Variants in GRID2 observed in about 807,000 individuals in gnomAD.
GRID2 encodes glutamate ionotropic receptor delta type subunit 2, also known as glutamate receptor ionotropic, delta-2.
A neutral mutation model predicts 114.8 loss-of-function variants in GRID2; 33 were observed. The ratio of observed to expected loss-of-function variants is 0.29; its 90% CI spans 0.22 to 0.38. GRID2 has a LOEUF of 0.38. Among genes scored for constraint, GRID2 ranks in the 10% least tolerant of loss-of-function variants. The probability of loss-of-function intolerance (pLI) is 1.00; values close to 1 mark genes in which losing one functional copy is unlikely to be tolerated. For missense variants in GRID2, 1,184 were observed against 1,257.7 expected, an observed-to-expected ratio of 0.94 and a Z score of 0.89; for synonymous variants, 505 against 449.9, an observed-to-expected ratio of 1.12 and a Z score of -1.55.
intron 4 of GRID2, among the ~76,000 whole-genome samples, chr4:93,122,496 G>A (rs747832262): frequency 5.3e-5 from 8 of 152,080 alleles, no homozygotes; most frequent in Admixed American, 5.2e-4. Flanking sequence ...GAAAAGGAAA[G>A]GTTATACTGG....
intron 1 of GRID2, among the ~76,000 whole-genome samples, chr4:92,547,989 T>A (rs1726354271): frequency 6.6e-6 from 1 of 151,998 alleles, no homozygotes; most frequent in African/African-American, 2.4e-5. Flanking sequence ...GAAAAAGAAC[T>A]TACAAGACCT....
At chr4:93,355,493 A>G (rs1342181823) in intron 8 of GRID2, among the ~76,000 whole-genome samples, 1 of 152,100 alleles carries the variant, frequency 6.6e-6, no homozygotes, top group Non-Finnish European at 1.5e-5. Context: ...ATATCTCAAG[A>G]GCAAGTGTTC....
intron 2 of GRID2, among the ~76,000 whole-genome samples, chr4:92,693,386 A>C (rs1307282534): frequency 1.3e-5 from 2 of 152,186 alleles, no homozygotes; most frequent in Admixed American, 6.5e-5. Context: ...CATGCACTCT[A>C]TATATACATT....
At chr4:93,272,652 G>A (rs1225461643) in intron 8 of GRID2, among the ~76,000 whole-genome samples, 3 of 152,134 alleles carry the variant, frequency 2.0e-5, no homozygotes, top group African/African-American at 7.2e-5. Context: ...TTGCCTGGCT[G>A]GTTTTGATTC....
chr4:93,217,868 G>A (rs950913817), intron 6 of GRID2, among the ~76,000 whole-genome samples: 1 of 151,780 alleles, frequency 6.6e-6, no homozygotes, highest in Non-Finnish European at 1.5e-5. Context: ...TTAGAAGTAA[G>A]CAAAACCTAA....
chr4:92,754,632 G>T (rs1220939179), intron 2 of GRID2, among the ~76,000 whole-genome samples: 2 of 152,060 alleles, frequency 1.3e-5, no homozygotes, highest in Admixed American at 6.5e-5. Context: ...ACTGTATAGG[G>T]TTAGTATTAT....
At chr4:92,708,528 A>T (rs1735060675) in intron 2 of GRID2, among the ~76,000 whole-genome samples, 1 of 152,106 alleles carries the variant, frequency 6.6e-6, no homozygotes, top group Admixed American at 6.5e-5. Flanking sequence ...CCTGGGAAAA[A>T]CACTTAACCT....
At chr4:93,303,002 G>A (rs1385309986) in intron 8 of GRID2, among the ~76,000 whole-genome samples, 1 of 152,184 alleles carries the variant, frequency 6.6e-6, no homozygotes, top group Non-Finnish European at 1.5e-5. Context: ...TGTACAGGAA[G>A]CATGGCTGGG....
intron 1 of GRID2, among the ~76,000 whole-genome samples, chr4:92,471,965 G>A (rs865911865): frequency 2.3e-5 from 1 of 43,870 alleles, no homozygotes; most frequent in Admixed American, 2.7e-4. Context: ...ACGGAGTCTC[G>A]CTCTGTCGCC....
intron 2 of GRID2, among the ~76,000 whole-genome samples, chr4:92,674,440 T>A (rs1733228438): frequency 6.6e-6 from 1 of 152,180 alleles, no homozygotes; most frequent in African/African-American, 2.4e-5. Context: ...TAATTTCAGA[T>A]AATTTATTTT....
At chr4:92,797,484 A>T (rs150446658) in intron 2 of GRID2, among the ~76,000 whole-genome samples, 7 of 152,136 alleles carry the variant, frequency 4.6e-5, no homozygotes, top group African/African-American at 7.2e-5. Flanking sequence ...TTTGGACTGC[A>T]AATAGCACCA....
At chr4:92,981,950 T>C (rs1450518148) in intron 2 of GRID2, among the ~76,000 whole-genome samples, 1 of 148,798 alleles carries the variant, frequency 6.7e-6, no homozygotes, top group Non-Finnish European at 1.5e-5. Flanking sequence ...CAGGACAAAC[T>C]GTGCTGACAT....
intron 1 of GRID2, among the ~76,000 whole-genome samples, chr4:92,527,186 A>G (rs1209008435): frequency 6.6e-6 from 1 of 152,116 alleles, no homozygotes; most frequent in Non-Finnish European, 1.5e-5. Flanking sequence ...TGGAATCTCC[A>G]TGCATTTAGT....
chr4:93,044,273 C>T (rs772207096), intron 2 of GRID2, among the ~76,000 whole-genome samples: 2 of 151,912 alleles, frequency 1.3e-5, no homozygotes, highest in Non-Finnish European at 2.9e-5. Context: ...AACTTAGAAA[C>T]GTTGTTATAT....
intron 5 of GRID2, among the ~76,000 whole-genome samples, chr4:93,208,986 T>G (rs1743133231): frequency 6.6e-6 from 1 of 152,044 alleles, no homozygotes; most frequent in South Asian, 2.1e-4. Context: ...AAACTAAGTT[T>G]CAAAGAAATT....
At chr4:93,498,085 G>A (rs1247851864) in intron 12 of GRID2, among the ~76,000 whole-genome samples, 1 of 151,718 alleles carries the variant, frequency 6.6e-6, no homozygotes, top group South Asian at 2.1e-4. Flanking sequence ...GATTACAAAC[G>A]TTCTTGGTAT....
chr4:92,866,048 G>A (rs1744839048), intron 2 of GRID2, among the ~76,000 whole-genome samples: 2 of 152,196 alleles, frequency 1.3e-5, no homozygotes, highest in Admixed American at 6.5e-5. Context: ...CCAAAGGCAA[G>A]ATAGATTTCT....
At chr4:93,224,506 C>A in intron 6 of GRID2, 108 bp from the exon 7 acceptor site, 1 of 650,046 alleles carries the variant, frequency 1.5e-6, no homozygotes, top group Non-Finnish European at 2.6e-6. Flanking sequence ...ACCCAGTAAA[C>A]CAGCCATGTA....
intron 14 of GRID2, among the ~76,000 whole-genome samples, chr4:93,756,573 C>T (rs1178713351): frequency 1.3e-5 from 2 of 152,144 alleles, no homozygotes; most frequent in South Asian, 2.1e-4. Flanking sequence ...AGAGAGCAAA[C>T]ATGATGGTGT....
Sources: gnomAD v4.1 joint callset for allele counts (sites outside exome capture counted in the v4.1 genomes callset) on GRCh38, gnomAD v4.1.1 for gene constraint, MANE v1.5 for transcripts, NCBI Gene and HGNC (gene_info 2026-07-23, HGNC 2026-07-21) for gene names.